The following PARD3 variants were observed in gnomAD, a reference collection of about 807,000 sequenced individuals.
PARD3 encodes the protein par-3 family cell polarity regulator.
In PARD3, 75 loss-of-function variants were observed where a neutral mutation model predicts 155.4. That is an observed-to-expected ratio of 0.48 (90% CI 0.40 to 0.58). The LOEUF (loss-of-function observed/expected upper bound fraction) is 0.58, where lower values mean the gene tolerates loss of function less well. PARD3 is among the 20% of genes least tolerant of loss of function. The probability of loss-of-function intolerance (pLI) is 0.00; values close to 1 mark genes in which losing one functional copy is unlikely to be tolerated. For missense variants in PARD3, 1,642 were observed against 1,721.7 expected, an observed-to-expected ratio of 0.95 and a Z score of 0.82; for synonymous variants, 576 against 610.5, an observed-to-expected ratio of 0.94 and a Z score of 0.83.
At chr10:34,241,392 C>T (rs530620294) in intron 22 of PARD3, among the ~76,000 whole-genome samples, 24 of 148,946 alleles carry the variant, frequency 1.6e-4, no homozygotes, top group South Asian at 6.9e-4. Context: ...TGGGGAGCAC[C>T]GGTGGAGGGG....
At position 34,163,222 on chromosome 10, in the gene PARD3, A is replaced by G. The variant is rs146519024; in HGVS notation, c.3420-31639T>C. On this transcript the variant is annotated intron_variant, in intron 22 of 24. Coordinates refer to ENST00000374788, the MANE Select transcript of PARD3 (RefSeq NM_001184785.2). ...CCTAGGAAGTTAAGTCTTGGGGAGG[A>G]GGCTTGTGTTCCCGGCCACTCCACA... 1.1e-3 allele frequency among the ~76,000 whole-genome samples: 171 copies of G among 152,134 alleles called. 4 individuals are homozygous for G. The East Asian group carries it at 0.021, about 18-fold the overall frequency.
chr10:34,812,246 CCTTTTT>C (rs1221947267), intron 1 of PARD3, among the ~76,000 whole-genome samples: 2 of 152,150 alleles, frequency 1.3e-5, no homozygotes, highest in African/African-American at 2.4e-5. Flanking sequence ...TTTCTCTTTT[CCTTTTT>C]ATTTTTTATT....
intron 22 of PARD3, among the ~76,000 whole-genome samples, chr10:34,224,177 T>C (rs1456785287): frequency 6.6e-6 from 1 of 152,180 alleles, no homozygotes; most frequent in African/African-American, 2.4e-5. Flanking sequence ...CAACAAACTT[T>C]AAGAGATTGA....
chr10:34,792,205 G>T (rs138524239), intron 1 of PARD3, among the ~76,000 whole-genome samples: 1 of 152,108 alleles, frequency 6.6e-6, no homozygotes, highest in Admixed American at 6.5e-5. Flanking sequence ...TCCACCCAAC[G>T]CTGGGTGGGA....
intron 1 of PARD3, among the ~76,000 whole-genome samples, chr10:34,711,064 T>C (rs2094442917): frequency 6.6e-6 from 1 of 151,998 alleles, no homozygotes; most frequent in Admixed American, 6.5e-5. Context: ...TAGTCCCAGG[T>C]ATTCCGGAGA....
chr10:34,712,544 T>G (rs11009884), intron 1 of PARD3, among the ~76,000 whole-genome samples: 40,351 of 149,644 alleles, frequency 0.27, 5,755 homozygotes, highest in South Asian at 0.37. Flanking sequence ...GACACTTGAC[T>G]TGCCTGAGAT....
intron 22 of PARD3, among the ~76,000 whole-genome samples, chr10:34,145,719 CTTAATT>C (rs896752104): frequency 3.3e-5 from 5 of 152,004 alleles, no homozygotes; most frequent in African/African-American, 7.3e-5. Context: ...TTTCTCTTCT[CTTAATT>C]TTATGTTTCC....
intron 22 of PARD3, among the ~76,000 whole-genome samples, chr10:34,214,668 A>AT (rs1001937712): frequency 3.9e-5 from 6 of 152,168 alleles, no homozygotes; most frequent in Non-Finnish European, 5.9e-5. Context: ...AATAAAAAAA[A>AT]ATATATTATT....
chr10:34,299,676 A>G (rs1296382817), intron 20 of PARD3, among the ~76,000 whole-genome samples: 1 of 152,246 alleles, frequency 6.6e-6, no homozygotes, highest in Non-Finnish European at 1.5e-5. Flanking sequence ...TAAGACCTGC[A>G]TGGATAAAAC....
intron 5 of PARD3, among the ~76,000 whole-genome samples, chr10:34,450,035 A>G (rs553861273): frequency 6.6e-6 from 1 of 152,326 alleles, no homozygotes; most frequent in South Asian, 2.1e-4. Flanking sequence ...TTCACTGCCA[A>G]ACATCTGTGC....
At chr10:34,259,639 T>G (rs1299016824) in intron 22 of PARD3, among the ~76,000 whole-genome samples, 1 of 152,184 alleles carries the variant, frequency 6.6e-6, no homozygotes, top group African/African-American at 2.4e-5. Flanking sequence ...CGTGGGCATC[T>G]TTGGGGAAGC....
Position 34,231,204 on chromosome 10 carries a change from AAT to A in PARD3, c.3419+38451_3419+38452del, listed in dbSNP as rs1952908164. 4.0e-5 allele frequency among the ~76,000 whole-genome samples: 6 copies of A among 150,416 alleles called. No individual in the cohort carries two copies. In the South Asian group the frequency reaches 1.3e-3, roughly 32 times the overall value. On this transcript the variant is annotated intron_variant, in intron 22 of 24. Transcript: ENST00000374788. ...TATATACTCTATTCTTACAGGAAAA[AAT>A]ATATACATGAGATATTTTTTCCTTT...
rs76905284 is a variant in PARD3 at position 34,297,020 on chromosome 10, T to A, written c.3066-12775A>T. ...CACTACAACCAACATTAAAACACCA[T>A]GATAAACAGCCTCACTCAGCCTGGG... On this transcript the variant is annotated intron_variant, in intron 20 of 24. Transcript: ENST00000374788. 2.6e-3 allele frequency among the ~76,000 whole-genome samples: 389 copies of A among 152,248 alleles called. 2 individuals carry two copies. The highest frequency in any genetic ancestry group is 9.0e-3 in the African/African-American group (373 of 41,554).
At chr10:34,613,539 T>C (rs1225176656) in intron 2 of PARD3, among the ~76,000 whole-genome samples, 1 of 152,202 alleles carries the variant, frequency 6.6e-6, no homozygotes, top group African/African-American at 2.4e-5. Flanking sequence ...GAAATGCACA[T>C]GGTCCAGCTT....
At chr10:34,630,128 G>T (rs1366148326) in intron 2 of PARD3, among the ~76,000 whole-genome samples, 3 of 152,154 alleles carry the variant, frequency 2.0e-5, no homozygotes, top group Non-Finnish European at 4.4e-5. Flanking sequence ...CACCGACATA[G>T]CAATGGTACT....
chr10:34,476,276 A>G (rs897079798), intron 3 of PARD3, among the ~76,000 whole-genome samples: 3 of 152,216 alleles, frequency 2.0e-5, no homozygotes, highest in African/African-American at 7.2e-5. Flanking sequence ...CATCAAAAAC[A>G]GTGGGTGAAA....
rs543910361 is a variant in PARD3 at position 34,569,496 on chromosome 10, C to T, written c.223-52337G>A. On this transcript the variant is annotated intron_variant, in intron 2 of 24. Transcript: ENST00000374788. ...GCAGTGGCATGATCTCGGCTCACTG[C>T]AAGCTCTGCCTCCCGGGTTCATGCC... 2.0e-5 allele frequency among the ~76,000 whole-genome samples: 3 copies of T among 152,222 alleles called. No homozygotes were observed. In the South Asian group the frequency reaches 6.2e-4, roughly 32 times the overall value.
chr10:34,413,308 T>C (rs1405355536), intron 5 of PARD3, among the ~76,000 whole-genome samples: 1 of 152,140 alleles, frequency 6.6e-6, no homozygotes, highest in African/African-American at 2.4e-5. Context: ...ATGTGTTTAA[T>C]TGTGTGTAGG....
intron 3 of PARD3, among the ~76,000 whole-genome samples, chr10:34,514,647 C>T (rs1004295430): frequency 6.6e-6 from 1 of 152,098 alleles, no homozygotes; most frequent in Admixed American, 6.6e-5. Flanking sequence ...CTGGTGGCTG[C>T]AAGACAACAC....
Sources: allele counts gnomAD v4.1 joint callset (sites outside exome capture counted in the v4.1 genomes callset), GRCh38; gene constraint gnomAD v4.1.1; transcripts MANE v1.5; gene names NCBI Gene and HGNC (gene_info 2026-07-23, HGNC 2026-07-21).